The following PLXNA4 variants were observed in gnomAD, a reference collection of about 807,000 sequenced individuals.
The protein encoded by PLXNA4 is plexin-A4.
PLXNA4 carries 44 observed loss-of-function variants against 191.8 expected under a neutral mutation model. The ratio of observed to expected loss-of-function variants is 0.23; its 90% confidence interval spans 0.18 to 0.29. PLXNA4 has a LOEUF of 0.29. Among genes scored for constraint, PLXNA4 ranks in the 10% least tolerant of loss-of-function variants. PLXNA4 has a pLI of 1.00. For synonymous variants in PLXNA4, 1,082 were observed against 1,009.5 expected (o/e 1.07, Z -1.36); for missense variants, 1,800 against 2,488.8 (o/e 0.72, Z 5.89).
In PLXNA4 at chr7:132,132,438, TTC is replaced by T. The variant is rs1252718520; in HGVS notation, c.5589+609_5589+610del. 2.6e-3 allele frequency among the ~76,000 whole-genome samples: 211 copies of T among 80,972 alleles called. 8 individuals are homozygous for T. Among genetic ancestry groups the T allele is most frequent in the South Asian group, 0.017 (27 of 1,586 alleles). The allele number at this position is 80,972 out of a possible 152,430, so 53.1% of individuals were successfully genotyped here. On this transcript the variant is annotated intron_variant, in intron 31 of 31. Transcript: ENST00000321063. ...TTCTGTTCTGTTCTGTTCTGTTCTG[TTC>T]TGTTCTGTTCTGTTCTGTTCTGTTC...
intron 3 of PLXNA4, among the ~76,000 whole-genome samples, chr7:132,381,770 G>A (rs1804902563): frequency 6.6e-6 from 1 of 152,182 alleles, no homozygotes; most frequent in Non-Finnish European, 1.5e-5. Context: ...TTTGCCCAGG[G>A]CTGAGGCTTT....
intron 3 of PLXNA4, among the ~76,000 whole-genome samples, chr7:132,332,683 T>C (rs1802638215): frequency 7.0e-6 from 1 of 143,232 alleles, no homozygotes; most frequent in Non-Finnish European, 1.5e-5. Context: ...ACCCCATTTC[T>C]AAAAAAAAAA....
intron 4 of PLXNA4, among the ~76,000 whole-genome samples, chr7:132,276,420 TC>T (rs1363170863): frequency 6.6e-6 from 1 of 152,090 alleles, no homozygotes; most frequent in Non-Finnish European, 1.5e-5. Flanking sequence ...TTCCTCCTAC[TC>T]CCACCCTTTT....
intron 1 of PLXNA4, among the ~76,000 whole-genome samples, chr7:132,575,909 C>T (rs1347848047): frequency 6.6e-6 from 1 of 152,182 alleles, no homozygotes. Context: ...CCACCACTCT[C>T]TCCAAATATG....
chr7:132,185,245 G>C, intron 16 of PLXNA4, 54 bp downstream of exon 16: 1 of 1,555,518 alleles, frequency 6.4e-7, no homozygotes, highest in Non-Finnish European at 8.7e-7. Context: ...TCAAGAGTCA[G>C]GGAAGGGAAA....
chr7:132,200,944 T>G (rs1432964793), intron 12 of PLXNA4, among the ~76,000 whole-genome samples: 1 of 152,216 alleles, frequency 6.6e-6, no homozygotes, highest in East Asian at 1.9e-4. Flanking sequence ...ATTATGGGTT[T>G]GAATTGTGTT....
chr7:132,617,258 G>A (rs1803174348), intron 2 of PLXNA4, among the ~76,000 whole-genome samples: 1 of 152,134 alleles, frequency 6.6e-6, no homozygotes, highest in South Asian at 2.1e-4. Flanking sequence ...GAGCCACAGT[G>A]CCACAGAGGA....
At chr7:132,181,975 A>G (rs961113449) in intron 17 of PLXNA4, 122 bp downstream of exon 17, 4 of 1,494,544 alleles carry the variant, frequency 2.7e-6, no homozygotes, top group Non-Finnish European at 3.6e-6. Flanking sequence ...CAAGGGTGTC[A>G]GGCTGTGGGT....
At chr7:132,245,184 T>G in intron 4 of PLXNA4, among the ~76,000 whole-genome samples, 1 of 146,788 alleles carries the variant, frequency 6.8e-6, no homozygotes, top group African/African-American at 2.5e-5. Context: ...CAGGAAGAGG[T>G]GAAAAAAGAA....
At chr7:132,161,671 C>T (rs1795953436) in intron 24 of PLXNA4, among the ~76,000 whole-genome samples, 1 of 151,974 alleles carries the variant, frequency 6.6e-6, no homozygotes. Flanking sequence ...AGAACTCTAG[C>T]AGGCTCCCGG....
intron 3 of PLXNA4, among the ~76,000 whole-genome samples, chr7:132,439,852 C>G (rs1272835766): frequency 2.0e-5 from 3 of 152,228 alleles, no homozygotes; most frequent in Non-Finnish European, 2.9e-5. Context: ...GAGAGAGAAG[C>G]ACCTGGTTCC....
intron 3 of PLXNA4, among the ~76,000 whole-genome samples, chr7:132,451,079 T>A (rs1044335687): frequency 6.6e-6 from 1 of 152,168 alleles, no homozygotes; most frequent in Non-Finnish European, 1.5e-5. Flanking sequence ...GCCACTTTTG[T>A]GAAAATGGCA....
chr7:132,583,064 T>G (rs1257250463), intron 2 of PLXNA4, among the ~76,000 whole-genome samples: 1 of 152,138 alleles, frequency 6.6e-6, no homozygotes, highest in East Asian at 1.9e-4. Context: ...AATCCAGCAC[T>G]CACTTAAGAT....
At chr7:132,507,399 T>C (rs1798509431) in intron 2 of PLXNA4, 107 bp downstream of exon 2, 4 of 1,264,552 alleles carry the variant, frequency 3.2e-6, no homozygotes, top group Non-Finnish European at 4.3e-6. Flanking sequence ...ATATACTCAC[T>C]TCATCTGCAA....
At chr7:132,299,888 T>A (rs1294923346) in intron 3 of PLXNA4, among the ~76,000 whole-genome samples, 1 of 152,120 alleles carries the variant, frequency 6.6e-6, no homozygotes, top group Non-Finnish European at 1.5e-5. Flanking sequence ...TTCTTCACTC[T>A]CAAAGGGGTA....
chr7:132,523,607 G>T (rs546007644), intron 1 of PLXNA4, among the ~76,000 whole-genome samples: 6 of 152,196 alleles, frequency 3.9e-5, no homozygotes, highest in Non-Finnish European at 8.8e-5. Flanking sequence ...CTAAGCAAGG[G>T]AATGACATGG....
intron 3 of PLXNA4, among the ~76,000 whole-genome samples, chr7:132,342,814 C>T (rs1803082305): frequency 6.6e-6 from 1 of 151,792 alleles, no homozygotes; most frequent in Non-Finnish European, 1.5e-5. Context: ...AGGCATGGTG[C>T]TGGGCACCTG....
At chr7:132,563,043 T>C (rs1369243326) in intron 1 of PLXNA4, among the ~76,000 whole-genome samples, 8 of 67,718 alleles carry the variant, frequency 1.2e-4, no homozygotes, top group African/African-American at 1.7e-4. Context: ...CCTCCTTCTC[T>C]TCTTTCTCTG....
chr7:132,577,250 T>TGGCTCGGCCGCCGCC (rs1053623015), upstream of PLXNA4: 1 of 151,358 alleles, frequency 6.6e-6, no homozygotes, highest in Admixed American at 6.6e-5. Flanking sequence ...GGGCCGCCGC[T>TGGCTCGGCCGCCGCC]GGCTCGGCCG....
Sources: allele counts gnomAD v4.1 joint callset (sites outside exome capture counted in the v4.1 genomes callset), GRCh38; gene constraint gnomAD v4.1.1; transcripts MANE v1.5; gene names NCBI Gene and HGNC (gene_info 2026-07-23, HGNC 2026-07-21).